The following MALRD1 variants were observed in gnomAD, a reference collection of about 807,000 sequenced individuals.
The protein encoded by MALRD1 is MAM and LDL-receptor class A domain-containing protein 1.
A neutral mutation model predicts 242.1 loss-of-function variants in MALRD1; 247 were observed. The ratio of observed to expected loss-of-function variants is 1.02; its 90% CI spans 0.92 to 1.13. The LOEUF is 1.13. Ranked by LOEUF, MALRD1 falls within the 50% of genes most tolerant of loss-of-function variation. The pLI is 0.00. For missense variants in MALRD1, 2,989 were observed against 2,533.1 expected (o/e 1.18, Z -3.86); for synonymous variants, 995 against 866.6 (o/e 1.15, Z -2.60).
At chr10:19,339,818 A>G (rs1258604612) in intron 24 of MALRD1, among the ~76,000 whole-genome samples, 1 of 152,194 alleles carries the variant, frequency 6.6e-6, no homozygotes, top group East Asian at 1.9e-4. Context: ...TGCTATAAAG[A>G]CATATTTGAG....
intron 36 of MALRD1, among the ~76,000 whole-genome samples, chr10:19,647,886 C>A (rs1840719355): frequency 2.6e-5 from 4 of 152,134 alleles, no homozygotes. Context: ...AAGAGGGCTG[C>A]ACCACACAGC....
intron 1 of MALRD1, among the ~76,000 whole-genome samples, chr10:19,059,223 C>T (rs1834751268): frequency 1.3e-5 from 2 of 152,018 alleles, no homozygotes; most frequent in Non-Finnish European, 2.9e-5. Flanking sequence ...ATGAGAAAAA[C>T]CATGATTACC....
At chr10:19,179,172 T>A (rs549562500) in intron 14 of MALRD1, among the ~76,000 whole-genome samples, 16 of 152,326 alleles carry the variant, frequency 1.1e-4, no homozygotes, top group Non-Finnish European at 2.1e-4. Context: ...ATCTATGTAG[T>A]CATATTTGTA....
chr10:19,334,711 A>G (rs1276927463), intron 24 of MALRD1, among the ~76,000 whole-genome samples: 1 of 152,094 alleles, frequency 6.6e-6, no homozygotes, highest in East Asian at 1.9e-4. Context: ...TGTATTTATT[A>G]CTATTTATCT....
At chr10:19,313,781 G>T (rs114185809) in intron 21 of MALRD1, among the ~76,000 whole-genome samples, 2,626 of 151,502 alleles carry the variant, frequency 0.017, 76 homozygotes, top group African/African-American at 0.06. Context: ...GCCCCATAAA[G>T]TGTTATTCTC....
At chr10:19,508,945 A>G (rs1833271739) in intron 31 of MALRD1, among the ~76,000 whole-genome samples, 1 of 152,184 alleles carries the variant, frequency 6.6e-6, no homozygotes, top group Non-Finnish European at 1.5e-5. Context: ...TTACTTATAA[A>G]TTTACACACT....
At chr10:19,307,340 G>A (rs1231136960) in intron 21 of MALRD1, among the ~76,000 whole-genome samples, 1 of 151,492 alleles carries the variant, frequency 6.6e-6, no homozygotes, top group Non-Finnish European at 1.5e-5. Context: ...TGTACCATAT[G>A]CTGTGATTCT....
chr10:19,539,943 A>G (rs1053233012), intron 32 of MALRD1, among the ~76,000 whole-genome samples: 1 of 147,306 alleles, frequency 6.8e-6, no homozygotes, highest in African/African-American at 2.5e-5. Flanking sequence ...GGGTTTTGCC[A>G]TGTTGCCCAG....
chr10:19,369,896 G>C (rs1845298418), intron 26 of MALRD1, among the ~76,000 whole-genome samples: 1 of 151,860 alleles, frequency 6.6e-6, no homozygotes, highest in African/African-American at 2.4e-5. Context: ...CTGATGATTG[G>C]AAATGTTTAG....
At chr10:19,213,535 T>C (rs2131639548) in intron 18 of MALRD1, among the ~76,000 whole-genome samples, 1 of 152,312 alleles carries the variant, frequency 6.6e-6, no homozygotes, top group African/African-American at 2.4e-5. Flanking sequence ...CCCAGCCTCC[T>C]TTAGTGTATC....
intron 31 of MALRD1, among the ~76,000 whole-genome samples, chr10:19,501,319 G>A (rs945552406): frequency 1.3e-5 from 2 of 152,126 alleles, no homozygotes; most frequent in African/African-American, 4.8e-5. Context: ...CCAACTAGAT[G>A]TCGGAAGCAC....
At chr10:19,243,805 A>G (rs991090297) in intron 18 of MALRD1, among the ~76,000 whole-genome samples, 7 of 152,180 alleles carry the variant, frequency 4.6e-5, no homozygotes, top group Non-Finnish European at 8.8e-5. Flanking sequence ...CTGCTTCTTC[A>G]GAAGCCTAGG....
chr10:19,581,516 A>C (rs1328974904), intron 33 of MALRD1, among the ~76,000 whole-genome samples: 3 of 151,324 alleles, frequency 2.0e-5, no homozygotes, highest in African/African-American at 7.3e-5. Flanking sequence ...GATGATTTCC[A>C]ATTTCATCCA....
At position 19,627,727 on chromosome 10, in the gene MALRD1, C is replaced by CACT. The variant is rs556362580; in HGVS notation, c.6137+11805_6137+11807dup. Among the ~76,000 whole-genome samples, 273 of 145,868 alleles carry CACT rather than the reference C, an allele frequency of 1.9e-3. 2 individuals are homozygous for CACT. Among genetic ancestry groups the CACT allele is most frequent in the African/African-American group, 5.7e-3 (223 of 39,128 alleles). On this transcript the variant is annotated intron_variant, in intron 36 of 39. Coordinates refer to ENST00000454679, the MANE Select transcript of MALRD1 (RefSeq NM_001142308.3). ...GCAGTGAGCCGATATTCCACCACTG[C>CACT]ACTCCAGCCTGGGCGACAGAGCAAG...
chr10:19,708,070 A>G lies in MALRD1; in HGVS notation c.6314+15516A>G, dbSNP rs1424149936. Among the ~76,000 whole-genome samples the G allele has an allele frequency of 1.7e-5, 2 of 120,774 alleles. 1 individual carries two copies. The highest frequency in any genetic ancestry group is 3.8e-5 in the Non-Finnish European group (2 of 52,930). 79.2% of individuals were successfully genotyped at this position (120,774 alleles called of 152,430 possible). ...AAGTGAGAAAATAAAAAAAAAAGCA[A>G]GCATCAAAGATGATCCCAGAGTATT... On this transcript the variant is annotated intron_variant, in intron 38 of 39. Transcript: ENST00000454679.
At chr10:19,325,427 T>C (rs1374796207) in intron 22 of MALRD1, among the ~76,000 whole-genome samples, 1 of 141,136 alleles carries the variant, frequency 7.1e-6, no homozygotes, top group South Asian at 2.2e-4. Context: ...TTTTTTTTTT[T>C]CTGGGGCATC....
chr10:19,113,819 A>ACACACACACT (rs1554791224), intron 5 of MALRD1, among the ~76,000 whole-genome samples: 2 of 147,106 alleles, frequency 1.4e-5, no homozygotes, highest in African/African-American at 5.0e-5. Flanking sequence ...ACACACACAC[A>ACACACACACT]CACACACACA....
intron 28 of MALRD1, among the ~76,000 whole-genome samples, chr10:19,412,512 T>C (rs769023044): frequency 6.6e-6 from 1 of 152,154 alleles, no homozygotes; most frequent in Non-Finnish European, 1.5e-5. Flanking sequence ...GTACAAGTGA[T>C]TCAGTGGGGA....
chr10:19,215,415 T>C (rs1837264736), intron 18 of MALRD1, among the ~76,000 whole-genome samples: 2 of 152,212 alleles, frequency 1.3e-5, no homozygotes, highest in African/African-American at 4.8e-5. Flanking sequence ...AGGTTAATTT[T>C]TTTCCTTGCA....
Sources: gnomAD v4.1 joint callset for allele counts (sites outside exome capture counted in the v4.1 genomes callset) on GRCh38, gnomAD v4.1.1 for gene constraint, MANE v1.5 for transcripts, NCBI Gene and HGNC (gene_info 2026-07-23, HGNC 2026-07-21) for gene names.